The following CAMTA1 variants were observed in gnomAD, a reference collection of about 807,000 sequenced individuals.
CAMTA1 encodes calmodulin-binding transcription activator 1.
CAMTA1 carries 27 observed loss-of-function variants against 170.9 expected under a neutral mutation model. The observed-to-expected ratio is 0.16, with a 90% CI of 0.12 to 0.22. The LOEUF is 0.22. CAMTA1 is among the 10% of genes least tolerant of loss of function. The pLI, the probability that CAMTA1 is intolerant of heterozygous loss-of-function variation, is 1.00. For missense variants in CAMTA1, 1,619 were observed against 2,217.2 expected (o/e 0.73, Z 5.42); for synonymous variants, 833 against 891.5 (o/e 0.93, Z 1.17).
intron 3 of CAMTA1, among the ~76,000 whole-genome samples, chr1:6,905,702 T>A (rs1010296980): frequency 3.3e-5 from 5 of 152,192 alleles, no homozygotes; most frequent in African/African-American, 9.7e-5. Flanking sequence ...GCCCCCTGCT[T>A]TGCGTTTGCA....
chr1:7,191,776 C>T (rs769898281), intron 4 of CAMTA1, among the ~76,000 whole-genome samples: 1 of 152,186 alleles, frequency 6.6e-6, no homozygotes, highest in African/African-American at 2.4e-5. Flanking sequence ...TTCTGCACTG[C>T]TGGTTTGCAG....
chr1:6,939,301 A>T (rs1054625893), intron 3 of CAMTA1, among the ~76,000 whole-genome samples: 7 of 152,274 alleles, frequency 4.6e-5, no homozygotes, highest in African/African-American at 1.7e-4. Flanking sequence ...ATTTTTATTA[A>T]GCATTTTATG....
intron 3 of CAMTA1, among the ~76,000 whole-genome samples, chr1:6,883,890 C>T (rs1461916764): frequency 6.6e-6 from 1 of 151,962 alleles, no homozygotes; most frequent in African/African-American, 2.4e-5. Flanking sequence ...TTATTTTACC[C>T]AGTAAGTCTA....
At chr1:6,894,070 T>C (rs1372369642) in intron 3 of CAMTA1, among the ~76,000 whole-genome samples, 3 of 152,232 alleles carry the variant, frequency 2.0e-5, no homozygotes, top group African/African-American at 7.2e-5. Context: ...TGCTTTCAGG[T>C]GCCTTGTGGC....
intron 6 of CAMTA1, among the ~76,000 whole-genome samples, chr1:7,512,891 A>G (rs1283655209): frequency 6.6e-6 from 1 of 152,196 alleles, no homozygotes; most frequent in Non-Finnish European, 1.5e-5. Flanking sequence ...GAGAGGGCAG[A>G]GACCTCTTTG....
rs1268544686 is a variant in CAMTA1 at position 7,704,936 on chromosome 1, G to T, written c.2914+27203G>T. 1.9e-4 allele frequency among the ~76,000 whole-genome samples: 27 copies of T among 143,510 alleles called. 1 individual carries two copies. The South Asian group carries it at 2.8e-3, about 15-fold the overall frequency. 94.1% of individuals were successfully genotyped at this position (143,510 alleles called of 152,430 possible). On this transcript the variant is annotated intron_variant, in intron 11 of 22. Coordinates refer to ENST00000303635, the MANE Select transcript of CAMTA1 (RefSeq NM_015215.4). ...GCGGGGCTAGGCGGAGGGCGCGTGCGGTCGAGGGCGGCGGCCGGCGGGGGC... is the reference window on the plus strand; with the variant it reads ...GCGGGGCTAGGCGGAGGGCGCGTGCTGTCGAGGGCGGCGGCCGGCGGGGGC...
chr1:7,267,037 T>C (rs1669042811), intron 5 of CAMTA1, among the ~76,000 whole-genome samples: 1 of 152,158 alleles, frequency 6.6e-6, no homozygotes, highest in African/African-American at 2.4e-5. Flanking sequence ...GTAACTTTGC[T>C]TTATGCTGAG....
In CAMTA1 at chr1:7,297,723, T is replaced by A. The variant is rs564767326; in HGVS notation, c.438+48097T>A. Among the ~76,000 whole-genome samples, 8 of 152,378 alleles carry A rather than the reference T, an allele frequency of 5.3e-5. No homozygotes were observed. In the East Asian group the frequency reaches 1.5e-3, roughly 29 times the overall value. On this transcript the variant is annotated intron_variant, in intron 5 of 22. Transcript: ENST00000303635. The stretch of plus-strand genomic sequence containing the variant: ...TTTTGCCTTCTCCTATAATCTAGGC[T>A]GCTGTGCCCCATCGTCCTGCATAAT...
rs2096094735 is a variant in CAMTA1 at position 7,674,595 on chromosome 1, A to G, written c.2780-3004A>G. Among the ~76,000 whole-genome samples the G allele has an allele frequency of 1.3e-5, 2 of 152,294 alleles. No homozygotes were observed. The highest frequency in any genetic ancestry group is 4.8e-5 in the African/African-American group (2 of 41,558). ...GGAGTTCGAGACCAGCCTGACCGACATGGTGAAACCCCGTCTCTACTAAAA... is the reference window on the plus strand; with the variant it reads ...GGAGTTCGAGACCAGCCTGACCGACGTGGTGAAACCCCGTCTCTACTAAAA... On this transcript the variant is annotated intron_variant, in intron 10 of 22. Transcript: ENST00000303635. The surrounding 1 kb of genome is among the most constrained non-coding windows in gnomAD (Gnocchi z 4.1).
chr1:6,960,981 C>T (rs1398605255), intron 3 of CAMTA1, among the ~76,000 whole-genome samples: 8 of 152,192 alleles, frequency 5.3e-5, no homozygotes, highest in African/African-American at 1.9e-4. Context: ...TTCTCAATAT[C>T]ATACATCTGG....
rs1673472112 is a variant in CAMTA1, at chr1:7,293,558, A to G, written c.438+43932A>G. Among the ~76,000 whole-genome samples, 1 of 152,162 alleles carries G rather than the reference A, an allele frequency of 6.6e-6. No homozygotes were observed. The highest frequency in any genetic ancestry group is 2.4e-5 in the African/African-American group (1 of 41,426). ...TTGCTTTCTTGCCATCCACTGGGAAATGTATTTATCACTACAGTTTGTATA... is the reference window on the plus strand; with the variant it reads ...TTGCTTTCTTGCCATCCACTGGGAAGTGTATTTATCACTACAGTTTGTATA... On this transcript the variant is annotated intron_variant, in intron 5 of 22. Coordinates refer to ENST00000303635, the MANE Select transcript of CAMTA1 (RefSeq NM_015215.4). This position sits in a 1 kb window ranked among gnomAD's most constrained non-coding sequence, Gnocchi z 4.1.
intron 5 of CAMTA1, among the ~76,000 whole-genome samples, chr1:7,407,288 T>C (rs953699612): frequency 6.6e-6 from 1 of 152,192 alleles, no homozygotes; most frequent in Non-Finnish European, 1.5e-5. Flanking sequence ...CAGGGGAAGA[T>C]ACAGAGGCTA....
At chr1:7,142,276 C>A (rs1645932650) in intron 4 of CAMTA1, 2 of 434,206 alleles carry the variant, frequency 4.6e-6, no homozygotes, top group Non-Finnish European at 9.2e-6. Context: ...CTCTGCTAAG[C>A]AGCCAGTACC....
At chr1:7,209,973 T>C (rs887329316) in intron 4 of CAMTA1, among the ~76,000 whole-genome samples, 1 of 152,192 alleles carries the variant, frequency 6.6e-6, no homozygotes, top group East Asian at 1.9e-4. Flanking sequence ...ACTGAACCAT[T>C]TGAAAGTAAG....
At chr1:6,802,177 A>G (rs1311339810) in intron 1 of CAMTA1, among the ~76,000 whole-genome samples, 2 of 152,180 alleles carry the variant, frequency 1.3e-5, no homozygotes, top group African/African-American at 4.8e-5. Context: ...TCTGGAGTAC[A>G]TGTCTTCTCT....
At chr1:7,574,990 G>GGCT (rs1227551637) in intron 6 of CAMTA1, among the ~76,000 whole-genome samples, 1 of 152,208 alleles carries the variant, frequency 6.6e-6, no homozygotes, top group Non-Finnish European at 1.5e-5. Flanking sequence ...TTGAGCTCTG[G>GGCT]GCTGCTGCTT....
At chr1:6,886,838 A>G (rs1043304164) in intron 3 of CAMTA1, among the ~76,000 whole-genome samples, 1 of 152,216 alleles carries the variant, frequency 6.6e-6, no homozygotes, top group African/African-American at 2.4e-5. Flanking sequence ...GCTTGCCTTC[A>G]GCTTCACTGT....
chr1:7,194,980 G>A (rs1000504402), intron 4 of CAMTA1, among the ~76,000 whole-genome samples: 2 of 152,200 alleles, frequency 1.3e-5, no homozygotes, highest in Non-Finnish European at 2.9e-5. Context: ...TAAACAGTAC[G>A]TGGAGCATCT....
At position 7,663,438 on chromosome 1, in the gene CAMTA1, C is replaced by A; in HGVS notation, c.891C>A (p.Tyr297Ter). 1 of 1,577,032 alleles carries A rather than the reference C, an allele frequency of 6.3e-7. No homozygotes were observed. The highest frequency in any genetic ancestry group is 1.2e-5 in the South Asian group (1 of 86,200). ...SPKVEPRTGG[Y>*]GSHSEVQHND... Reference sequence around the variant, plus strand: ...AGGTGGAGCCACGGACAGGGGGGTACGGGAGCCACTCGGAGGTGCAGCACA... The same window carrying A: ...AGGTGGAGCCACGGACAGGGGGGTAAGGGAGCCACTCGGAGGTGCAGCACA... Residue 297 changes from tyrosine (Y) to a stop codon, truncating the protein, a stop_gained, in exon 9 of 23, where the codon TAC becomes TAA. Transcript: ENST00000303635. LOFTEE classifies it high-confidence loss of function.
Sources: gnomAD v4.1 joint callset for allele counts (sites outside exome capture counted in the v4.1 genomes callset) on GRCh38, gnomAD v4.1.1 for gene constraint, Gnocchi (gnomAD v3.1) non-coding constraint, MANE v1.5 for transcripts, NCBI Gene and HGNC (gene_info 2026-07-23, HGNC 2026-07-21) for gene names.